The following CDKL5 variants were observed in gnomAD, a reference collection of about 807,000 sequenced individuals.
The protein encoded by CDKL5 is cyclin-dependent kinase-like 5.
In CDKL5, 8 loss-of-function variants were observed where a neutral mutation model predicts 61.7. The observed-to-expected ratio is 0.13, with a 90% CI of 0.08 to 0.23. The LOEUF (loss-of-function observed/expected upper bound fraction) is 0.23. Ranked by LOEUF, CDKL5 falls within the 10% of genes least tolerant of loss-of-function variation. The probability of loss-of-function intolerance (pLI) is 1.00; values close to 1 mark genes in which losing one functional copy is unlikely to be tolerated. For missense variants in CDKL5, 440 were observed against 734.5 expected, an observed-to-expected ratio of 0.60 and a Z score of 4.63; for synonymous variants, 275 against 272.3, an observed-to-expected ratio of 1.01 and a Z score of -0.10.
chrX:18,564,840 T>C (rs926133713), intron 4 of CDKL5, among the ~76,000 whole-genome samples: 4 of 111,418 alleles, frequency 3.6e-5, no homozygotes, highest in Non-Finnish European at 7.5e-5. Context: ...ATGCTGTTTC[T>C]AAATATTATT....
chrX:18,518,445 G>A (rs1923128030), intron 3 of CDKL5, among the ~76,000 whole-genome samples: 1 of 71,505 alleles, frequency 1.4e-5, no homozygotes, highest in Admixed American at 2.4e-4. Flanking sequence ...TCGCTCTGTC[G>A]CCAGGCTGGA....
rs1927452269 is a variant in CDKL5, at chrX:18,638,179, AC to A, written c.*9424del. 9.0e-6 allele frequency: 1 copy of A among 111,591 alleles called. No individual in the cohort carries two copies. The highest frequency in any genetic ancestry group is 3.3e-5 in the African/African-American group (1 of 30,627). 9.2% of individuals were successfully genotyped at this position (111,591 alleles called of 1,213,427 possible). ...CACAGCAGCATCTCTATCTGGAAAT[AC>A]CTTTGCTTTGTCCAAGTAACCTCCT... On this transcript the variant is annotated 3_prime_UTR_variant, in exon 18 of 18. Coordinates refer to ENST00000623535, the MANE Select transcript of CDKL5 (RefSeq NM_001323289.2).
At chrX:18,465,699 T>A (rs1932386526) in intron 1 of CDKL5, among the ~76,000 whole-genome samples, 1 of 111,622 alleles carries the variant, frequency 9.0e-6, no homozygotes, top group Non-Finnish European at 1.9e-5. Context: ...AAAATCAGCC[T>A]GTAAATTTCG....
intron 3 of CDKL5, among the ~76,000 whole-genome samples, chrX:18,521,648 C>G (rs147665126): frequency 4.5e-5 from 5 of 112,207 alleles, no homozygotes; most frequent in African/African-American, 1.6e-4. Context: ...TTTTGTGTAA[C>G]CATACCCAAA....
At chrX:18,492,315 A>G (rs764673959) in intron 1 of CDKL5, among the ~76,000 whole-genome samples, 1 of 111,531 alleles carries the variant, frequency 9.0e-6, no homozygotes, top group Admixed American at 9.6e-5. Context: ...CCATTTTAAA[A>G]ATTGGGTTTC....
At chrX:18,554,145 C>T (rs773948093) in intron 3 of CDKL5, among the ~76,000 whole-genome samples, 63 of 106,455 alleles carry the variant, frequency 5.9e-4, no homozygotes, top group African/African-American at 2.1e-3. Flanking sequence ...ATACATGTGC[C>T]ATGTTGGTGT....
chrX:18,448,015 G>A (rs1339119937), intron 1 of CDKL5, among the ~76,000 whole-genome samples: 1 of 110,578 alleles, frequency 9.0e-6, no homozygotes, highest in African/African-American at 3.3e-5. Flanking sequence ...ACCTCCCAAA[G>A]TACTGGGATT....
Position 18,506,988 on chromosome X carries a change from C to T in CDKL5, c.-109C>T. The T allele has an allele frequency of 3.5e-6, 2 of 568,319 alleles. No individual in the cohort carries two copies. Among genetic ancestry groups the T allele is most frequent in the East Asian group, 3.3e-5 (1 of 30,059 alleles). The allele number at this position is 568,319 out of a possible 1,213,427, so 46.8% of individuals were successfully genotyped here. On this transcript the variant is annotated 5_prime_UTR_variant, in exon 2 of 18. Coordinates refer to ENST00000623535, the MANE Select transcript of CDKL5 (RefSeq NM_001323289.2). The stretch of plus-strand genomic sequence containing the variant: ...CAAATATGTGAAAGTTCCCACCAAC[C>T]AGTGAGAATTTCTTCCTTCAGACGG...
chrX:18,477,260 T>C (rs1921353276), intron 1 of CDKL5, among the ~76,000 whole-genome samples: 1 of 108,878 alleles, frequency 9.2e-6, no homozygotes, highest in African/African-American at 3.4e-5. Context: ...AGAGATGGTG[T>C]TTTGCCATGT....
intron 2 of CDKL5, among the ~76,000 whole-genome samples, chrX:18,509,195 A>ACGCACACGCGCG (rs1555940166): frequency 4.6e-5 from 3 of 64,692 alleles, no homozygotes; most frequent in South Asian, 1.2e-3. Context: ...GTCTCAAAAC[A>ACGCACACGCGCG]CGCACACACA....
chrX:18,620,907 T>A (rs1232990156), intron 16 of CDKL5, among the ~76,000 whole-genome samples: 1 of 110,348 alleles, frequency 9.1e-6, no homozygotes, highest in African/African-American at 3.3e-5. Context: ...CCCAGCTAAT[T>A]TTTTGTATTT....
intron 3 of CDKL5, among the ~76,000 whole-genome samples, chrX:18,525,744 C>CTTTT (rs778200388): frequency 1.2e-4 from 9 of 75,623 alleles, no homozygotes; most frequent in Non-Finnish European, 1.6e-4. Flanking sequence ...AATATTGAGT[C>CTTTT]TTTTTTTTTT....
At chrX:18,487,905 G>C (rs1409826123) in intron 1 of CDKL5, among the ~76,000 whole-genome samples, 1 of 111,156 alleles carries the variant, frequency 9.0e-6, no homozygotes, top group African/African-American at 3.3e-5. Context: ...GACAGAGTGA[G>C]ACTCCGTCTC....
chrX:18,440,844 A>G (rs1422735984), intron 1 of CDKL5, among the ~76,000 whole-genome samples: 1 of 111,745 alleles, frequency 8.9e-6, no homozygotes, highest in Admixed American at 9.6e-5. Flanking sequence ...AGGTTGTACT[A>G]CTCACCAAAT....
chrX:18,600,392 T>G (rs1438339257), intron 11 of CDKL5, among the ~76,000 whole-genome samples: 1 of 111,673 alleles, frequency 9.0e-6, no homozygotes, highest in Non-Finnish European at 1.9e-5. Context: ...TCCTTTGCAT[T>G]TAGGGGGTGC....
chrX:18,617,866 A>G (rs1926767066), intron 15 of CDKL5, among the ~76,000 whole-genome samples: 1 of 111,929 alleles, frequency 8.9e-6, no homozygotes, highest in Non-Finnish European at 1.9e-5. Flanking sequence ...TGGTTTATCC[A>G]GTGCCTCTTG....
At chrX:18,554,747 A>C (rs2147125142) in intron 3 of CDKL5, among the ~76,000 whole-genome samples, 1 of 111,836 alleles carries the variant, frequency 8.9e-6, no homozygotes, top group African/African-American at 3.2e-5. Flanking sequence ...ATGGAACCGT[A>C]TTACAAAAGT....
At chrX:18,442,838 C>T (rs757161700) in intron 1 of CDKL5, among the ~76,000 whole-genome samples, 1 of 112,150 alleles carries the variant, frequency 8.9e-6, no homozygotes, top group African/African-American at 3.2e-5. Flanking sequence ...ATTAGTTCAG[C>T]TCTTTTTCAT....
Position 18,625,125 on chromosome X carries a change from T to C in CDKL5, c.2377-3T>C, listed in dbSNP as rs1249745358. On this transcript the variant is annotated splice_region_variant and splice_polypyrimidine_tract_variant and intron_variant, in intron 16 of 17. Coordinates refer to ENST00000623535, the MANE Select transcript of CDKL5 (RefSeq NM_001323289.2). ...TTGAATGCTTGTCCATATTTTGCTC[T>C]AGGTACCCAATTCCGACAGCCCTGA... 8.3e-7 allele frequency: 1 copy of C among 1,208,014 alleles called. No homozygotes were observed. Among genetic ancestry groups the C allele is most frequent in the South Asian group, 1.8e-5 (1 of 56,872 alleles).
Sources: allele counts gnomAD v4.1 joint callset (sites outside exome capture counted in the v4.1 genomes callset), GRCh38; gene constraint gnomAD v4.1.1; transcripts MANE v1.5; gene names NCBI Gene and HGNC (gene_info 2026-07-23, HGNC 2026-07-21).